CIAO1: variants seen among roughly 807,000 people sequenced by gnomAD.
The protein encoded by CIAO1 is probable cytosolic iron-sulfur protein assembly protein CIAO1.
A neutral mutation model predicts 43.1 loss-of-function variants in CIAO1; 32 were observed. The observed-to-expected ratio is 0.74, with a 90% CI of 0.56 to 1.00. CIAO1 has a LOEUF of 1.00. CIAO1 is among the 50% of genes least tolerant of loss of function. The pLI, the probability that CIAO1 is intolerant of heterozygous loss-of-function variation, is 0.00. For synonymous variants in CIAO1, 183 were observed against 171.4 expected (o/e 1.07, Z -0.53); for missense variants, 415 against 437.4 (o/e 0.95, Z 0.46).
rs1485067380 is a variant in CIAO1 at position 96,274,018 on chromosome 2, G to C, written c.*2667G>C. ...GAGCTCAGGAATTCAAGGTCAGCCT[G>C]GGCAACATGGCTAAACTCTGTCTCT... On this transcript the variant is annotated 3_prime_UTR_variant, in exon 7 of 7. Coordinates refer to ENST00000488633, the MANE Select transcript of CIAO1 (RefSeq NM_004804.3). Among the ~76,000 whole-genome samples the C allele has an allele frequency of 6.6e-6, 1 of 151,886 alleles. No individual in the cohort carries two copies. The highest frequency in any genetic ancestry group is 1.5e-5 in the Non-Finnish European group (1 of 68,012).
chr2:96,267,398 G>T lies in CIAO1; in HGVS notation c.217G>T (p.Gly73Cys), dbSNP rs142959894. 1 of 1,614,160 alleles carries T rather than the reference G, an allele frequency of 6.2e-7. No individual in the cohort carries two copies. The highest frequency in any genetic ancestry group is 8.5e-7 in the Non-Finnish European group (1 of 1,180,016). The change falls in exon 2 of 7, where the codon GGT becomes TGT. Residue 73 changes from glycine to cysteine, a missense_variant. Physicochemically the swap from Gly to Cys is radical, Grantham distance 159. Transcript: ENST00000488633. Reference protein sequence around the residue: ...TVRKVAWSPCGNYLASASFDA... With the variant: ...TVRKVAWSPCCNYLASASFDA... ...GCGGAAGGTAGCCTGGTCCCCCTGC[G>T]GTAATTACCTGGCCTCTGCCAGCTT...
In CIAO1 at chr2:96,271,649, A is replaced by AATCACT. The variant is rs1468833004; in HGVS notation, c.*298_*299insATCACT. On this transcript the variant is annotated 3_prime_UTR_variant, in exon 7 of 7. Coordinates refer to ENST00000488633, the MANE Select transcript of CIAO1 (RefSeq NM_004804.3). ...TATACTATTTATAATCACTATATAT[A>AATCACT]GTAGGAGGGGGTATGTGTCTCAGGC... is the stretch of plus-strand genomic sequence containing the variant. The AATCACT allele has an allele frequency of 2.3e-5, 6 of 260,084 alleles. No individual in the cohort carries two copies. Among genetic ancestry groups the AATCACT allele is most frequent in the Non-Finnish European group, 4.4e-5 (6 of 134,856 alleles). 16.1% of individuals were successfully genotyped at this position (260,084 alleles called of 1,614,324 possible).
At position 96,272,641 on chromosome 2, in the gene CIAO1, T is replaced by C. The variant is rs1298293481; in HGVS notation, c.*1290T>C. 3 of 151,992 alleles carry C rather than the reference T, an allele frequency of 2.0e-5. No individual in the cohort carries two copies. In the East Asian group the frequency reaches 5.8e-4, roughly 29 times the overall value. 9.4% of individuals were successfully genotyped at this position (151,992 alleles called of 1,614,324 possible). A position where few individuals can be genotyped will look rare whatever the true frequency, so the allele number is the denominator to read the frequency against. ...GCCTGACCAACATGGAGAAACCCCG[T>C]CTCTTCTAAAAATACAAAATTAGCT... On this transcript the variant is annotated 3_prime_UTR_variant, in exon 7 of 7. Coordinates refer to ENST00000488633, the MANE Select transcript of CIAO1 (RefSeq NM_004804.3).
At chr2:96,269,054 G>C (rs554873696) in intron 5 of CIAO1, 18 of 606,328 alleles carry the variant, frequency 3.0e-5, no homozygotes, top group Non-Finnish European at 5.0e-5. Context: ...GTTACATACA[G>C]TCTGCAACAG....
At chr2:96,270,902 G>T (rs1213290518) in intron 6 of CIAO1, among the ~76,000 whole-genome samples, 1 of 152,086 alleles carries the variant, frequency 6.6e-6, no homozygotes, top group Non-Finnish European at 1.5e-5. Context: ...CGTTTTTTAG[G>T]ATAATCATAG....
chr2:96,269,356 G>T lies in CIAO1; in HGVS notation c.779+1G>T. On this transcript the variant is annotated splice_donor_variant, in intron 6 of 6. Coordinates refer to ENST00000488633, the MANE Select transcript of CIAO1 (RefSeq NM_004804.3). LOFTEE classifies it high-confidence loss of function. ...CAAGGACCATTTATGACATTGCTTG[G>T]TAAGACTCCATCCCCCCACCCCATC... 1 of 1,613,392 alleles carries T rather than the reference G, an allele frequency of 6.2e-7. No homozygotes were observed. Among genetic ancestry groups the T allele is most frequent in the Non-Finnish European group, 8.5e-7 (1 of 1,179,354 alleles).
chr2:96,271,044 G>T, intron 6 of CIAO1, 67 bp from the exon 7 acceptor site: 1 of 1,593,068 alleles, frequency 6.3e-7, no homozygotes, highest in South Asian at 1.1e-5. Flanking sequence ...AACAGGCCAG[G>T]AACTATGGAA....
rs1684426792 is a variant in CIAO1 at position 96,266,288 on chromosome 2, G to A, written c.-63G>A. 1.5e-6 allele frequency: 2 copies of A among 1,305,528 alleles called. No individual in the cohort carries two copies. The highest frequency in any genetic ancestry group is 2.0e-6 in the Non-Finnish European group (2 of 1,018,796). The allele number at this position is 1,305,528 out of a possible 1,614,324, so 80.9% of individuals were successfully genotyped here. A position where few individuals can be genotyped will look rare whatever the true frequency, so the allele number is the denominator to read the frequency against. On this transcript the variant is annotated 5_prime_UTR_variant, in exon 1 of 7. In the 5' UTR this introduces an upstream ATG that the reference lacks. Coordinates refer to ENST00000488633, the MANE Select transcript of CIAO1 (RefSeq NM_004804.3). ...AGTGGGCGGTACGCAGACGCGCGCG[G>A]TGAGACCCGCTGTCTGCTCAGCGGA...
rs900234101 is a variant in CIAO1 at position 96,271,589 on chromosome 2, C to G, written c.*238C>G. 6 of 506,992 alleles carry G rather than the reference C, an allele frequency of 1.2e-5. No individual in the cohort carries two copies. The highest frequency in any genetic ancestry group is 9.6e-5 in the African/African-American group (5 of 52,344). 31.4% of individuals were successfully genotyped at this position (506,992 alleles called of 1,614,324 possible). A position where few individuals can be genotyped will look rare whatever the true frequency, so the allele number is the denominator to read the frequency against. ...ATTGTTATACCACAGATTTTTCTTG[C>G]ATTAGGGCACAGTGTTAAATTTTTT... is the stretch of plus-strand genomic sequence containing the variant. On this transcript the variant is annotated 3_prime_UTR_variant, in exon 7 of 7. Transcript: ENST00000488633.
At position 96,273,664 on chromosome 2, in the gene CIAO1, A is replaced by G. The variant is rs983901007; in HGVS notation, c.*2313A>G. 2.7e-4 allele frequency among the ~76,000 whole-genome samples: 37 copies of G among 135,794 alleles called. No homozygotes were observed. Among genetic ancestry groups the G allele is most frequent in the South Asian group, 6.5e-4 (3 of 4,598 alleles). 89.1% of individuals were successfully genotyped at this position (135,794 alleles called of 152,430 possible). Reference sequence around the variant, plus strand: ...GGTGACAGAGCGAGACTCCATTTCAAAAAAAAAAAAAAAAAAAAAAAATCA... The same window carrying G: ...GGTGACAGAGCGAGACTCCATTTCAGAAAAAAAAAAAAAAAAAAAAAATCA... On this transcript the variant is annotated 3_prime_UTR_variant, in exon 7 of 7. Transcript: ENST00000488633.
chr2:96,267,388 G>A lies in CIAO1; in HGVS notation c.207G>A (p.Trp69Ter). 1.9e-6 allele frequency: 3 copies of A among 1,614,180 alleles called. No homozygotes were observed. Among genetic ancestry groups the A allele is most frequent in the Non-Finnish European group, 2.5e-6 (3 of 1,180,036 alleles). The change falls in exon 2 of 7, where the codon TGG (tryptophan) becomes TGA (stop). Residue 69 changes from tryptophan to a stop codon, truncating the protein, a stop_gained. Transcript: ENST00000488633. LOFTEE classifies it high-confidence loss of function. ...GHQRTVRKVAWSPCGNYLASA... is the reference protein window; with the variant it reads ...GHQRTVRKVA ...AGCGCACCGTGCGGAAGGTAGCCTG[G>A]TCCCCCTGCGGTAATTACCTGGCCT...
intron 4 of CIAO1, among the ~76,000 whole-genome samples, chr2:96,268,200 A>G (rs1684474349): frequency 6.6e-6 from 1 of 152,188 alleles, no homozygotes; most frequent in South Asian, 2.1e-4. Flanking sequence ...CTAAAAATAC[A>G]AAATTAGCGG....
At chr2:96,268,393 G>T in intron 4 of CIAO1, 64 bp from the exon 5 acceptor site, 2 of 1,351,752 alleles carry the variant, frequency 1.5e-6, no homozygotes, top group South Asian at 2.3e-5. Flanking sequence ...ACCTGGAACT[G>T]ACCTGTCCTT....
At chr2:96,270,975 T>G in intron 6 of CIAO1, 136 bp from the exon 7 acceptor site, 3 of 1,024,886 alleles carry the variant, frequency 2.9e-6, no homozygotes, top group Admixed American at 2.3e-5. Context: ...TGACTCCTTA[T>G]TAGTTAAGGA....
chr2:96,269,087 T>A (rs756441187), intron 5 of CIAO1, 181 bp from the exon 6 acceptor site: 14 of 627,178 alleles, frequency 2.2e-5, no homozygotes, highest in Non-Finnish European at 3.4e-5. Flanking sequence ...TCCTCGGAAT[T>A]CTGCTTGAGA....
rs57198918 is a variant in CIAO1, at chr2:96,273,662, CAAAAA to C, written c.*2331_*2335del. ...TGGGTGACAGAGCGAGACTCCATTT[CAAAAA>C]AAAAAAAAAAAAAAAAAAATCACTT... is the stretch of plus-strand genomic sequence containing the variant. On this transcript the variant is annotated 3_prime_UTR_variant, in exon 7 of 7. Coordinates refer to ENST00000488633, the MANE Select transcript of CIAO1 (RefSeq NM_004804.3). Among the ~76,000 whole-genome samples the C allele has an allele frequency of 7.0e-4, 39 of 55,994 alleles. No individual in the cohort carries two copies. Among genetic ancestry groups the C allele is most frequent in the African/African-American group, 2.0e-3 (34 of 16,756 alleles). 36.7% of individuals were successfully genotyped at this position (55,994 alleles called of 152,430 possible).
chr2:96,268,791 T>C (rs1684486595), intron 5 of CIAO1, 133 bp downstream of exon 5: 1 of 846,580 alleles, frequency 1.2e-6, no homozygotes, highest in Non-Finnish European at 1.8e-6. Flanking sequence ...GATAGAGTGC[T>C]GGAAGAATCA....
At chr2:96,267,586 T>C (rs1684460015) in intron 2 of CIAO1, 39 bp from the exon 3 acceptor site, 2 of 1,610,312 alleles carry the variant, frequency 1.2e-6, no homozygotes. Flanking sequence ...TTAGGGGTGT[T>C]AGCTGCTGTT....
At position 96,266,448 on chromosome 2, in the gene CIAO1, C is replaced by T. The variant is rs760931648; in HGVS notation, c.98C>T (p.Ser33Leu). 32 of 1,555,060 alleles carry T rather than the reference C, an allele frequency of 2.1e-5. No individual in the cohort carries two copies. The highest frequency in any genetic ancestry group is 4.6e-5 in the South Asian group (4 of 86,234). Reference protein sequence around the residue: ...AWNPAGTLLASCGGDRRIRIW... With the variant: ...AWNPAGTLLALCGGDRRIRIW... ...AACCCCGCGGGGACCCTGCTGGCCT[C>T]GTGCGGCGGCGACCGGAGAATCCGC... The change falls in exon 1 of 7, where the codon TCG becomes TTG. Residue 33 changes from serine to leucine, a missense_variant. Transcript: ENST00000488633.
Sources: allele counts gnomAD v4.1 joint callset (sites outside exome capture counted in the v4.1 genomes callset), GRCh38; gene constraint gnomAD v4.1.1; transcripts MANE v1.5; gene names NCBI Gene and HGNC (gene_info 2026-07-23, HGNC 2026-07-21).